FAM3D: variants seen among roughly 807,000 people sequenced by gnomAD.
FAM3D encodes protein FAM3D.
In FAM3D, 26 loss-of-function variants were observed where a neutral mutation model predicts 29.8. The observed-to-expected ratio is 0.87, with a 90% CI of 0.64 to 1.21. The LOEUF is 1.21. Among genes scored for constraint, FAM3D ranks in the 50% most tolerant of loss-of-function variants. The pLI is 0.00. For missense variants in FAM3D, 253 were observed against 290.9 expected (o/e 0.87, Z 0.95); for synonymous variants, 115 against 102.3 (o/e 1.12, Z -0.75).
rs566660490 is a variant in FAM3D at position 58,644,339 on chromosome 3, G to A, written c.264-619C>T. Among the ~76,000 whole-genome samples, 547 of 152,310 alleles carry A rather than the reference G, an allele frequency of 3.6e-3. 2 individuals are homozygous for A. The highest frequency in any genetic ancestry group is 0.012 in the African/African-American group (516 of 41,560). ...AGTGGGAGGTAATTGAATCATGGGG[G>A]CAGGTCTTTCCTGTGCTGTTCTCAT... On this transcript the variant is annotated intron_variant, in intron 5 of 9. Transcript: ENST00000358781.
chr3:58,661,561 C>A (rs1389004227), intron 1 of FAM3D, among the ~76,000 whole-genome samples: 1 of 152,156 alleles, frequency 6.6e-6, no homozygotes, highest in Non-Finnish European at 1.5e-5. Flanking sequence ...CATATTTGCA[C>A]CCTTCGACTT....
At chr3:58,647,818 C>CT (rs1301210799) in intron 4 of FAM3D, among the ~76,000 whole-genome samples, 8 of 152,206 alleles carry the variant, frequency 5.3e-5, no homozygotes, top group Non-Finnish European at 1.2e-4. Context: ...AACTGGTGTG[C>CT]TACCAAGAGC....
intron 6 of FAM3D, among the ~76,000 whole-genome samples, chr3:58,643,178 C>T (rs9854553): frequency 0.014 from 2,061 of 152,320 alleles, 50 homozygotes; most frequent in South Asian, 0.066. Context: ...GTTTGTGAGC[C>T]TCACGGATAC....
chr3:58,655,508 C>T, intron 2 of FAM3D, 43 bp downstream of exon 2: 1 of 1,612,224 alleles, frequency 6.2e-7, no homozygotes, highest in South Asian at 1.1e-5. Flanking sequence ...TGGGTGGACA[C>T]AGCTGACAGA....
chr3:58,655,857 G>T (rs2066779989), intron 1 of FAM3D, among the ~76,000 whole-genome samples: 1 of 152,114 alleles, frequency 6.6e-6, no homozygotes, highest in Admixed American at 6.5e-5. Flanking sequence ...AGTAGAGGAA[G>T]GTGTAGTCTG....
intron 6 of FAM3D, 100 bp from the exon 7 acceptor site, chr3:58,640,277 G>C: frequency 1.5e-6 from 2 of 1,343,458 alleles, no homozygotes; most frequent in Non-Finnish European, 2.1e-6. Context: ...TCTAAAAACA[G>C]AATAAGAATC....
At chr3:58,643,846 A>G (rs2066404029) in intron 5 of FAM3D, 126 bp from the exon 6 acceptor site, 4 of 818,464 alleles carry the variant, frequency 4.9e-6, no homozygotes, top group African/African-American at 1.7e-5. Flanking sequence ...AACACATGCA[A>G]TAACTGGGGC....
At chr3:58,662,991 C>T (rs4453860) in intron 1 of FAM3D, among the ~76,000 whole-genome samples, 118,213 of 152,242 alleles carry the variant, frequency 0.78, 47,985 homozygotes, top group Non-Finnish European at 0.9. Context: ...CTCCGCCTCC[C>T]GAGTTCAAGC....
chr3:58,635,582 C>G lies in FAM3D; in HGVS notation c.585+712G>C, dbSNP rs997232311. Among the ~76,000 whole-genome samples the G allele has an allele frequency of 6.6e-6, 1 of 152,240 alleles. No homozygotes were observed. The highest frequency in any genetic ancestry group is 2.4e-5 in the African/African-American group (1 of 41,466). ...GCCCATGCAGCCTCAGACCTCTTGCCTCTTGCTAGGGCCCTGCTGCAGCAC... is the reference window on the plus strand; with the variant it reads ...GCCCATGCAGCCTCAGACCTCTTGCGTCTTGCTAGGGCCCTGCTGCAGCAC... On this transcript the variant is annotated intron_variant, in intron 9 of 9. Coordinates refer to ENST00000358781, the MANE Select transcript of FAM3D (RefSeq NM_138805.3). The surrounding 1 kb of genome is among the most constrained non-coding windows in gnomAD (Gnocchi z 5.2).
Position 58,640,134 on chromosome 3 carries a change from G to T in FAM3D, c.366C>A (p.Tyr122Ter). ...GTCAGCAGAGGCACCTACCTCCAGA[G>T]TACATGTCAAATGCCTTCTGTCCCA... ...AVLGQKAFDM[Y>*]SGDVMHLVKF... Residue 122 changes from tyrosine to a stop codon, truncating the protein, a stop_gained, in exon 7 of 10, where the codon TAC becomes TAA. Coordinates refer to ENST00000358781, the MANE Select transcript of FAM3D (RefSeq NM_138805.3). LOFTEE classifies it high-confidence loss of function. 6.2e-7 allele frequency: 1 copy of T among 1,614,150 alleles called. No individual in the cohort carries two copies. Among genetic ancestry groups the T allele is most frequent in the Non-Finnish European group, 8.5e-7 (1 of 1,180,020 alleles).
At chr3:58,641,186 G>A (rs918098937) in intron 6 of FAM3D, among the ~76,000 whole-genome samples, 15 of 152,274 alleles carry the variant, frequency 9.9e-5, no homozygotes, top group Middle Eastern at 6.8e-3. Context: ...ATGATTTGTT[G>A]GGCTTCCCCA....
rs200770279 is a variant in FAM3D, at chr3:58,636,378, A to G, written c.501T>C (p.Ser167=). 6.7e-5 allele frequency: 108 copies of G among 1,613,828 alleles called. No homozygotes were observed. The East Asian group carries it at 1.9e-3, about 28-fold the overall frequency. Residue 167 remains serine (S), a synonymous_variant, in exon 9 of 10, where the codon AGT becomes AGC. Coordinates refer to ENST00000358781, the MANE Select transcript of FAM3D (RefSeq NM_138805.3). ...ESRKLFSDLG[S]SYAKQLGFRD... ...GGAAGCCCAGTTGTTTTGCGTAGGAACTCCCCAAGTCAGAGAAGAGTTTCC... is the reference window on the plus strand; with the variant it reads ...GGAAGCCCAGTTGTTTTGCGTAGGAGCTCCCCAAGTCAGAGAAGAGTTTCC...
In FAM3D at chr3:58,640,148, C is replaced by T. The variant is rs33966924; in HGVS notation, c.352G>A (p.Ala118Thr). Reference sequence around the variant, plus strand: ...CTACCTCCAGAGTACATGTCAAATGCCTTCTGTCCCAGCACAGCTCCCGTG... The same window carrying T: ...CTACCTCCAGAGTACATGTCAAATGTCTTCTGTCCCAGCACAGCTCCCGTG... Reference protein sequence around the residue: ...GTTGAVLGQKAFDMYSGDVMH... With the variant: ...GTTGAVLGQKTFDMYSGDVMH... The change falls in exon 7 of 10, where the codon GCA (alanine) becomes ACA (threonine). Residue 118 changes from alanine to threonine, a missense_variant. Physicochemically the swap from Ala to Thr is moderately conservative, Grantham distance 58. Transcript: ENST00000358781. The T allele has an allele frequency of 1.9e-6, 3 of 1,613,962 alleles. No individual in the cohort carries two copies. The highest frequency in any genetic ancestry group is 2.5e-6 in the Non-Finnish European group (3 of 1,180,000).
chr3:58,643,164 G>C (rs1422344429), intron 6 of FAM3D, among the ~76,000 whole-genome samples: 1 of 152,196 alleles, frequency 6.6e-6, no homozygotes, highest in Non-Finnish European at 1.5e-5. Flanking sequence ...ACCACATTGA[G>C]ATTGTTTGTG....
At chr3:58,651,790 A>C (rs62250344) in intron 3 of FAM3D, among the ~76,000 whole-genome samples, 22,330 of 143,928 alleles carry the variant, frequency 0.16, 1,776 homozygotes, top group Middle Eastern at 0.2. Flanking sequence ...TAGTGCAGCC[A>C]CATCACTGTC....
At chr3:58,656,874 G>A (rs1376409595) in intron 1 of FAM3D, among the ~76,000 whole-genome samples, 2 of 152,282 alleles carry the variant, frequency 1.3e-5, no homozygotes, top group Admixed American at 6.5e-5. Context: ...TACATTGAGA[G>A]GTGCTCGGGC....
At position 58,633,996 on chromosome 3, in the gene FAM3D, G is replaced by T. The variant is rs568594854; in HGVS notation, c.*283C>A. The T allele has an allele frequency of 2.1e-5, 9 of 425,066 alleles. No individual in the cohort carries two copies. Among genetic ancestry groups the T allele is most frequent in the African/African-American group, 1.9e-4 (9 of 48,518 alleles). 26.3% of individuals were successfully genotyped at this position (425,066 alleles called of 1,614,324 possible). A position where few individuals can be genotyped will look rare whatever the true frequency, so the allele number is the denominator to read the frequency against. ...AATTGGGCTCAAGTCTGGGCAGTTT[G>T]TCCTTCCTCAGGACCAGCCGTCAGC... On this transcript the variant is annotated 3_prime_UTR_variant, in exon 10 of 10. Transcript: ENST00000358781.
At chr3:58,650,255 C>A (rs1361760451) in intron 3 of FAM3D, among the ~76,000 whole-genome samples, 1 of 152,188 alleles carries the variant, frequency 6.6e-6, no homozygotes, top group African/African-American at 2.4e-5. Context: ...TTCTCAGGGG[C>A]TGTCCATCTG....
At position 58,634,115 on chromosome 3, in the gene FAM3D, G is replaced by A. The variant is rs1323930103; in HGVS notation, c.*164C>T. 2 of 600,322 alleles carry A rather than the reference G, an allele frequency of 3.3e-6. No individual in the cohort carries two copies. Among genetic ancestry groups the A allele is most frequent in the Non-Finnish European group, 5.8e-6 (2 of 342,632 alleles). The allele number at this position is 600,322 out of a possible 1,614,324, so 37.2% of individuals were successfully genotyped here. ...CTTCCGGGTAGGATGTGCTGTGGGAGGGTTCTGTTTCCGAGGAGGAGAGGC... is the reference window on the plus strand; with the variant it reads ...CTTCCGGGTAGGATGTGCTGTGGGAAGGTTCTGTTTCCGAGGAGGAGAGGC... On this transcript the variant is annotated 3_prime_UTR_variant, in exon 10 of 10. Coordinates refer to ENST00000358781, the MANE Select transcript of FAM3D (RefSeq NM_138805.3). This position sits in a 1 kb window ranked among gnomAD's most constrained non-coding sequence, Gnocchi z 4.6.
Sources: gnomAD v4.1 joint callset for allele counts (sites outside exome capture counted in the v4.1 genomes callset) on GRCh38, gnomAD v4.1.1 for gene constraint, Gnocchi (gnomAD v3.1) non-coding constraint, MANE v1.5 for transcripts, NCBI Gene and HGNC (gene_info 2026-07-23, HGNC 2026-07-21) for gene names.